The following PANK3 variants were observed in gnomAD, a reference collection of about 807,000 sequenced individuals.
PANK3 encodes the protein hPanK3.
A neutral mutation model predicts 39.4 loss-of-function variants in PANK3; 20 were observed. That is an observed-to-expected ratio of 0.51 (90% CI 0.36 to 0.74). PANK3 has a LOEUF of 0.74. PANK3 is among the 30% of genes least tolerant of loss of function. The pLI, the probability that PANK3 is intolerant of heterozygous loss-of-function variation, is 0.00. For missense variants in PANK3, 265 were observed against 437.0 expected, an observed-to-expected ratio of 0.61 and a Z score of 3.51; for synonymous variants, 140 against 157.3, an observed-to-expected ratio of 0.89 and a Z score of 0.82.
chr5:168,575,055 A>G (rs899852271), intron 1 of PANK3, among the ~76,000 whole-genome samples: 7 of 152,182 alleles, frequency 4.6e-5, no homozygotes, highest in Admixed American at 4.6e-4. Flanking sequence ...AAAAAGAACC[A>G]AAATACACAT....
At chr5:168,563,635 T>C (rs1759478949) in intron 4 of PANK3, among the ~76,000 whole-genome samples, 1 of 151,388 alleles carries the variant, frequency 6.6e-6, no homozygotes, top group Non-Finnish European at 1.5e-5. Flanking sequence ...AAAGTAAAAA[T>C]ATGTATTTGT....
chr5:168,562,886 C>T (rs1021924338), intron 4 of PANK3, among the ~76,000 whole-genome samples: 6 of 152,044 alleles, frequency 3.9e-5, no homozygotes, highest in African/African-American at 1.4e-4. Flanking sequence ...TTAAAACATA[C>T]TTTTTATGCC....
intron 4 of PANK3, among the ~76,000 whole-genome samples, 158 bp from the exon 5 acceptor site, chr5:168,561,674 T>C (rs1053193513): frequency 5.3e-5 from 8 of 152,060 alleles, no homozygotes; most frequent in African/African-American, 1.4e-4. Context: ...AAAAAATCTA[T>C]GCAAGAGTAA....
chr5:168,554,196 G>A lies in PANK3; in HGVS notation c.*3375C>T, dbSNP rs892366248. ...TTAACACTGGAGGTCCAATAGTTTA[G>A]TGAAGTTGTTTTGAGACTCTTGCTA... On this transcript the variant is annotated 3_prime_UTR_variant, in exon 7 of 7. Transcript: ENST00000239231. 6.6e-6 allele frequency: 1 copy of A among 152,340 alleles called. No individual in the cohort carries two copies. The highest frequency in any genetic ancestry group is 2.1e-4 in the South Asian group (1 of 4,830). 9.4% of individuals were successfully genotyped at this position (152,340 alleles called of 1,614,324 possible).
At chr5:168,569,050 TCCA>T in intron 1 of PANK3, 52 bp from the exon 2 acceptor site, 1 of 398,050 alleles carries the variant, frequency 2.5e-6, no homozygotes, top group South Asian at 1.2e-4. Flanking sequence ...TATATATATA[TCCA>T]TTTTAGAAAC....
intron 1 of PANK3, among the ~76,000 whole-genome samples, chr5:168,569,604 T>C (rs989361900): frequency 2.6e-5 from 4 of 152,150 alleles, no homozygotes; most frequent in African/African-American, 9.7e-5. Flanking sequence ...CTAAATACCA[T>C]GTGCTCCAGG....
In PANK3 at chr5:168,568,904, T is replaced by C. The variant is rs371166761; in HGVS notation, c.123A>G (p.Glu41=). Residue 41 remains glutamate (E), a synonymous_variant, in exon 2 of 7, where the codon GAA becomes GAG. Coordinates refer to ENST00000239231, the MANE Select transcript of PANK3 (RefSeq NM_024594.4). The part of the protein sequence containing the change: ...IDITAEEEQE[E]VESLKSIRKY... ...TCCGAATACTTTTTAAACTCTCAAC[T>C]TCTTCTTGCTCTTCCTCTGCTGTGA... 1 of 1,612,960 alleles carries C rather than the reference T, an allele frequency of 6.2e-7. No individual in the cohort carries two copies. The highest frequency in any genetic ancestry group is 8.5e-7 in the Non-Finnish European group (1 of 1,179,718).
At chr5:168,578,938 G>C (rs975001425) in intron 1 of PANK3, among the ~76,000 whole-genome samples, 1 of 152,192 alleles carries the variant, frequency 6.6e-6, no homozygotes, top group Non-Finnish European at 1.5e-5. Flanking sequence ...TTTTCAACCT[G>C]AATTCAGGGG....
chr5:168,573,416 C>CAAAAAAAAAAAAAAAA lies in PANK3; in HGVS notation c.29-4434_29-4419dup, dbSNP rs574960925. Among the ~76,000 whole-genome samples the CAAAAAAAAAAAAAAAA allele has an allele frequency of 6.1e-3, 104 of 16,954 alleles. 7 individuals are homozygous for CAAAAAAAAAAAAAAAA. Among genetic ancestry groups the CAAAAAAAAAAAAAAAA allele is most frequent in the Admixed American group, 8.3e-3 (9 of 1,078 alleles). The allele number at this position is 16,954 out of a possible 152,430, so 11.1% of individuals were successfully genotyped here. ...CACGAGATGCAGAACCTCAGCAAGG[C>CAAAAAAAAAAAAAAAA]AAAAAAAAAAAAAAAAAAAAAAAAA... On this transcript the variant is annotated intron_variant, in intron 1 of 6. Coordinates refer to ENST00000239231, the MANE Select transcript of PANK3 (RefSeq NM_024594.4).
intron 6 of PANK3, among the ~76,000 whole-genome samples, chr5:168,558,804 C>T (rs1759395808): frequency 6.6e-6 from 1 of 152,100 alleles, no homozygotes; most frequent in South Asian, 2.1e-4. Flanking sequence ...AAGAGTGATC[C>T]TGTCTCCACA....
In PANK3 at chr5:168,549,786, G is replaced by C. The variant is rs1431229268; in HGVS notation, c.*7785C>G. On this transcript the variant is annotated 3_prime_UTR_variant, in exon 7 of 7. Transcript: ENST00000239231. ...CATTCATTCATTCATTTTTGAGACA[G>C]AGTCTTACTCTGTTGCCCAGGCTGG... 1.3e-5 allele frequency: 2 copies of C among 152,132 alleles called. No homozygotes were observed. The highest frequency in any genetic ancestry group is 1.5e-5 in the Non-Finnish European group (1 of 68,022). 9.4% of individuals were successfully genotyped at this position (152,132 alleles called of 1,614,324 possible). A position where few individuals can be genotyped will look rare whatever the true frequency, so the allele number is the denominator to read the frequency against.
chr5:168,574,980 C>G (rs1348678042), intron 1 of PANK3, among the ~76,000 whole-genome samples: 1 of 152,004 alleles, frequency 6.6e-6, no homozygotes, highest in Non-Finnish European at 1.5e-5. Context: ...CACAAGCAGC[C>G]TACTTACGGC....
At chr5:168,563,176 GACTT>G (rs966763606) in intron 4 of PANK3, among the ~76,000 whole-genome samples, 4 of 152,056 alleles carry the variant, frequency 2.6e-5, no homozygotes, top group East Asian at 3.8e-4. Context: ...GAATGTAGAA[GACTT>G]ACTTACTATG....
At chr5:168,571,924 A>G (rs1759637541) in intron 1 of PANK3, among the ~76,000 whole-genome samples, 1 of 152,182 alleles carries the variant, frequency 6.6e-6, no homozygotes, top group Non-Finnish European at 1.5e-5. Flanking sequence ...CTTCCAGTGT[A>G]GGAAAAAAAG....
chr5:168,561,969 C>T (rs1161273123), intron 4 of PANK3, among the ~76,000 whole-genome samples: 7 of 152,002 alleles, frequency 4.6e-5, no homozygotes, highest in Non-Finnish European at 8.8e-5. Context: ...AAATAAAATA[C>T]GAGTAATATA....
chr5:168,568,439 C>T (rs757248848), intron 2 of PANK3, among the ~76,000 whole-genome samples: 5 of 152,114 alleles, frequency 3.3e-5, no homozygotes, highest in Non-Finnish European at 7.3e-5. Context: ...ACAAGTTTTA[C>T]CAAATATTAT....
rs57306546 is a variant in PANK3 at position 168,565,887 on chromosome 5, T to TATATATATATATA, written c.635+125_635+126insTATATATATATAT. On this transcript the variant is annotated intron_variant, in intron 3 of 6. Coordinates refer to ENST00000239231, the MANE Select transcript of PANK3 (RefSeq NM_024594.4). Reference sequence around the variant, plus strand: ...AAAAAAAATATATATATATATATATTTTTTTTTTTTGCTGTTGTGCAAATA... The same window carrying TATATATATATATA: ...AAAAAAAATATATATATATATATATTATATATATATATATTTTTTTTTTGCTGTTGTGCAAATA... 2.8e-3 allele frequency: 411 copies of TATATATATATATA among 147,838 alleles called. 15 individuals are homozygous for TATATATATATATA. Among genetic ancestry groups the TATATATATATATA allele is most frequent in the Admixed American group, 5.9e-3 (57 of 9,624 alleles). The allele number at this position is 147,838 out of a possible 1,614,324, so 9.2% of individuals were successfully genotyped here.
intron 1 of PANK3, among the ~76,000 whole-genome samples, chr5:168,570,526 A>T (rs1040553170): frequency 2.6e-5 from 4 of 152,144 alleles, no homozygotes; most frequent in African/African-American, 9.7e-5. Context: ...AAACACATTA[A>T]GAACGAGATA....
rs1411439087 is a variant in PANK3, at chr5:168,552,895, TGA to T, written c.*4674_*4675del. Reference sequence around the variant, plus strand: ...GACAACATTGATTCCAGAGAGCTACTGAGAGAGCTGGAGCATGATGGAAATGA... The same window carrying T: ...GACAACATTGATTCCAGAGAGCTACTGAGAGCTGGAGCATGATGGAAATGA... On this transcript the variant is annotated 3_prime_UTR_variant, in exon 7 of 7. Transcript: ENST00000239231. 9.8e-6 allele frequency: 2 copies of T among 205,046 alleles called. No individual in the cohort carries two copies. The highest frequency in any genetic ancestry group is 2.0e-5 in the Non-Finnish European group (2 of 97,782). The allele number at this position is 205,046 out of a possible 1,614,324, so 12.7% of individuals were successfully genotyped here. A position where few individuals can be genotyped will look rare whatever the true frequency, so the allele number is the denominator to read the frequency against.
Sources: allele counts gnomAD v4.1 joint callset (sites outside exome capture counted in the v4.1 genomes callset), GRCh38; gene constraint gnomAD v4.1.1; transcripts MANE v1.5; gene names NCBI Gene and HGNC (gene_info 2026-07-23, HGNC 2026-07-21).